Variants in ADGRB3 observed in about 807,000 individuals in gnomAD.
ADGRB3 encodes adhesion G protein-coupled receptor B3, also known as brain-specific angiogenesis inhibitor 3.
Under a neutral mutation model 193.4 loss-of-function variants are expected in ADGRB3, and 37 were observed. The observed-to-expected ratio is 0.19, with a 90% CI of 0.15 to 0.25. ADGRB3 has a LOEUF of 0.25. ADGRB3 is among the 10% of genes least tolerant of loss of function. The pLI is 1.00. For synonymous variants in ADGRB3, 690 were observed against 644.2 expected (o/e 1.07, Z -1.08); for missense variants, 1,637 against 1,852.9 (o/e 0.88, Z 2.14).
intron 3 of ADGRB3, among the ~76,000 whole-genome samples, chr6:68,921,818 TATTAAA>T (rs1195637514): frequency 1.3e-5 from 2 of 151,934 alleles, no homozygotes; most frequent in Non-Finnish European, 2.9e-5. Flanking sequence ...AAAAAAAATC[TATTAAA>T]ATTAAAAAGA....
At chr6:69,148,525 G>A (rs1417363040) in intron 17 of ADGRB3, among the ~76,000 whole-genome samples, 1 of 151,854 alleles carries the variant, frequency 6.6e-6, no homozygotes, top group Non-Finnish European at 1.5e-5. Flanking sequence ...TTTTTGATTG[G>A]TTCATCCTTT....
intron 3 of ADGRB3, among the ~76,000 whole-genome samples, chr6:68,738,870 T>G (rs940841598): frequency 6.6e-6 from 1 of 152,132 alleles, no homozygotes; most frequent in Non-Finnish European, 1.5e-5. Flanking sequence ...AATTGTATAA[T>G]CTTACCAAGA....
At chr6:68,895,614 T>G (rs938494744) in intron 3 of ADGRB3, among the ~76,000 whole-genome samples, 2 of 152,018 alleles carry the variant, frequency 1.3e-5, no homozygotes, top group African/African-American at 4.8e-5. Context: ...AAACTTGATA[T>G]TAGTGAGGGA....
chr6:69,332,780 C>T, intron 23 of ADGRB3, 143 bp from the exon 24 acceptor site: 1 of 1,426,430 alleles, frequency 7.0e-7, no homozygotes, highest in Non-Finnish European at 9.2e-7. Flanking sequence ...TGCCTCTGCT[C>T]ACTTATAAAA....
intron 17 of ADGRB3, among the ~76,000 whole-genome samples, chr6:69,221,809 A>G (rs1025999434): frequency 6.6e-6 from 1 of 152,156 alleles, no homozygotes; most frequent in Non-Finnish European, 1.5e-5. Context: ...TGTTTAGAAG[A>G]TAGGAAGATT....
intron 3 of ADGRB3, among the ~76,000 whole-genome samples, chr6:68,751,398 A>G (rs552244073): frequency 6.6e-6 from 1 of 152,290 alleles, no homozygotes; most frequent in African/African-American, 2.4e-5. Flanking sequence ...CACACAGAGG[A>G]AAACAAGTTT....
chr6:69,387,412 C>T lies in ADGRB3; in HGVS notation c.4381-1291C>T, dbSNP rs77925889. Among the ~76,000 whole-genome samples, 27 of 152,186 alleles carry T rather than the reference C, an allele frequency of 1.8e-4. No homozygotes were observed. In the East Asian group the frequency reaches 5.0e-3, roughly 28 times the overall value. On this transcript the variant is annotated intron_variant, in intron 31 of 31. Transcript: ENST00000370598. ...TTGACTAAAGCATAATTAATTAATTCCCTCCACACATCCTAAAAATTAACC... is the reference window on the plus strand; with the variant it reads ...TTGACTAAAGCATAATTAATTAATTTCCTCCACACATCCTAAAAATTAACC...
At chr6:68,711,916 G>A (rs1402579919) in intron 3 of ADGRB3, among the ~76,000 whole-genome samples, 1 of 151,968 alleles carries the variant, frequency 6.6e-6, no homozygotes, top group Non-Finnish European at 1.5e-5. Flanking sequence ...CTTACCTAAT[G>A]AGGTAAGACT....
intron 3 of ADGRB3, among the ~76,000 whole-genome samples, chr6:68,737,192 A>T (rs56075259): frequency 0.032 from 4,916 of 152,206 alleles, 139 homozygotes; most frequent in African/African-American, 0.073. Flanking sequence ...CTGTATTAAG[A>T]GTTATGAATC....
At chr6:69,041,659 T>G (rs910242380) in intron 13 of ADGRB3, among the ~76,000 whole-genome samples, 1 of 152,004 alleles carries the variant, frequency 6.6e-6, no homozygotes, top group South Asian at 2.1e-4. Context: ...TAGCCCAGGC[T>G]GGAGAGCAGT....
chr6:68,823,721 G>T (rs1767789133), intron 3 of ADGRB3, among the ~76,000 whole-genome samples: 1 of 152,074 alleles, frequency 6.6e-6, no homozygotes, highest in South Asian at 2.1e-4. Flanking sequence ...AAGATACTTA[G>T]AATATGGGGG....
chr6:68,708,090 C>A (rs1268882806), intron 3 of ADGRB3, among the ~76,000 whole-genome samples: 1 of 152,162 alleles, frequency 6.6e-6, no homozygotes, highest in Non-Finnish European at 1.5e-5. Flanking sequence ...TCAATTTGTA[C>A]ACTTAGGGTC....
chr6:68,834,788 C>T (rs900421285), intron 3 of ADGRB3, among the ~76,000 whole-genome samples: 6 of 152,026 alleles, frequency 3.9e-5, no homozygotes, highest in Non-Finnish European at 5.9e-5. Context: ...CAAGAAAGTA[C>T]GAGGATCATG....
chr6:69,136,316 G>A (rs1774147858), intron 17 of ADGRB3, among the ~76,000 whole-genome samples: 1 of 152,016 alleles, frequency 6.6e-6, no homozygotes, highest in African/African-American at 2.4e-5. Flanking sequence ...TAATTTCTGA[G>A]AAGCACAGTT....
Position 69,168,526 on chromosome 6 carries a change from C to T in ADGRB3, c.2481-64764C>T, listed in dbSNP as rs540580796. On this transcript the variant is annotated intron_variant, in intron 17 of 31. Transcript: ENST00000370598. ...TAAACTAATGTTTTCGAAAACTAGT[C>T]TCCATGAATCACCCCACATAATTTG... 6.2e-4 allele frequency among the ~76,000 whole-genome samples: 95 copies of T among 152,194 alleles called. 1 individual carries two copies. Among genetic ancestry groups the T allele is most frequent in the Non-Finnish European group, 8.2e-4 (56 of 67,976 alleles).
intron 3 of ADGRB3, among the ~76,000 whole-genome samples, chr6:68,764,137 G>A (rs1215249805): frequency 6.6e-6 from 1 of 152,080 alleles, no homozygotes; most frequent in African/African-American, 2.4e-5. Flanking sequence ...TCAAATTTTT[G>A]TCCACAATTA....
intron 17 of ADGRB3, among the ~76,000 whole-genome samples, chr6:69,100,662 G>T (rs1012836238): frequency 6.6e-6 from 1 of 151,822 alleles, no homozygotes; most frequent in African/African-American, 2.4e-5. Flanking sequence ...TATTCCAATT[G>T]CTAGAAGTTT....
At chr6:69,184,142 T>C (rs1338897246) in intron 17 of ADGRB3, among the ~76,000 whole-genome samples, 1 of 152,146 alleles carries the variant, frequency 6.6e-6, no homozygotes, top group Admixed American at 6.5e-5. Flanking sequence ...ATCAATTTTA[T>C]GGCACCTTCA....
At chr6:68,759,739 T>A (rs952462327) in intron 3 of ADGRB3, among the ~76,000 whole-genome samples, 1 of 152,050 alleles carries the variant, frequency 6.6e-6, no homozygotes, top group Non-Finnish European at 1.5e-5. Context: ...CTTGTGTTAA[T>A]GAAAATCTTT....
Sources: gnomAD v4.1 joint callset for allele counts (sites outside exome capture counted in the v4.1 genomes callset) on GRCh38, gnomAD v4.1.1 for gene constraint, MANE v1.5 for transcripts, NCBI Gene and HGNC (gene_info 2026-07-23, HGNC 2026-07-21) for gene names.